Variants in PDE4D observed in about 807,000 individuals in gnomAD.
PDE4D encodes the protein 3',5'-cyclic-AMP phosphodiesterase 4D.
In PDE4D, 24 loss-of-function variants were observed where a neutral mutation model predicts 87.4. The observed-to-expected ratio is 0.27, with a 90% CI of 0.20 to 0.39. The LOEUF (loss-of-function observed/expected upper bound fraction) is 0.39, where lower values mean the gene tolerates loss of function less well. PDE4D is among the 10% of genes least tolerant of loss of function. The pLI is 1.00. For missense variants in PDE4D, 714 were observed against 1,041.0 expected, an observed-to-expected ratio of 0.69 and a Z score of 4.32; for synonymous variants, 384 against 383.2, an observed-to-expected ratio of 1.00 and a Z score of -0.02.
At chr5:59,435,764 T>A (rs1796723107) in intron 1 of PDE4D, among the ~76,000 whole-genome samples, 1 of 152,192 alleles carries the variant, frequency 6.6e-6, no homozygotes. Context: ...ACTGTCCAAG[T>A]CTTTCCTGAA....
rs751501307 is a variant in PDE4D at position 58,993,514 on chromosome 5, T to C, written c.922-49A>G. The C allele has an allele frequency of 6.1e-6, 7 of 1,149,344 alleles. No individual in the cohort carries two copies. In the African/African-American group the frequency reaches 1.1e-4, roughly 18 times the overall value. The allele number at this position is 1,149,344 out of a possible 1,614,324, so 71.2% of individuals were successfully genotyped here. A position where few individuals can be genotyped will look rare whatever the true frequency, so the allele number is the denominator to read the frequency against. ...AAATAATAGAAGAGGAAAATTTAAG[T>C]GAAATATATATGCATACTCTGAGAT... On this transcript the variant is annotated intron_variant, in intron 6 of 14. Coordinates refer to ENST00000340635, the MANE Select transcript of PDE4D (RefSeq NM_001104631.2).
chr5:59,753,187 C>G (rs937637019), intron 1 of PDE4D, among the ~76,000 whole-genome samples: 3 of 152,064 alleles, frequency 2.0e-5, no homozygotes, highest in African/African-American at 7.2e-5. Context: ...GTAGGACATC[C>G]TTAGTGGGAA....
chr5:60,365,770 G>A (rs536458307), intron 1 of PDE4D, among the ~76,000 whole-genome samples: 18 of 152,034 alleles, frequency 1.2e-4, no homozygotes, highest in East Asian at 5.8e-4. Flanking sequence ...TCGGCCAGGC[G>A]TGGTGGCTCA....
chr5:59,009,672 A>G (rs1752377622), intron 6 of PDE4D, among the ~76,000 whole-genome samples: 1 of 152,080 alleles, frequency 6.6e-6, no homozygotes, highest in South Asian at 2.1e-4. Context: ...TATTATAATT[A>G]CACATTACCT....
chr5:59,104,099 T>G (rs1205942378), intron 5 of PDE4D, among the ~76,000 whole-genome samples: 1 of 152,198 alleles, frequency 6.6e-6, no homozygotes, highest in Non-Finnish European at 1.5e-5. Context: ...TTTTCTGAAT[T>G]TTACTTTAGA....
intron 1 of PDE4D, among the ~76,000 whole-genome samples, chr5:60,463,898 TAC>T (rs1450752826): frequency 6.6e-6 from 1 of 152,234 alleles, no homozygotes; most frequent in Non-Finnish European, 1.5e-5. Flanking sequence ...AGAAATAAAA[TAC>T]ACACATACAG....
At chr5:59,244,637 T>C (rs1758410991) in intron 1 of PDE4D, among the ~76,000 whole-genome samples, 1 of 147,780 alleles carries the variant, frequency 6.8e-6, no homozygotes, top group Non-Finnish European at 1.5e-5. Flanking sequence ...CATTTACATA[T>C]ATACATATAT....
chr5:59,474,572 C>T (rs536864378), intron 1 of PDE4D, among the ~76,000 whole-genome samples: 127 of 152,198 alleles, frequency 8.3e-4, no homozygotes, highest in African/African-American at 2.9e-3. Flanking sequence ...TTCATTACAT[C>T]ATTTTTCCCT....
chr5:59,364,887 T>G (rs1176242389), intron 1 of PDE4D, among the ~76,000 whole-genome samples: 2 of 151,810 alleles, frequency 1.3e-5, no homozygotes, highest in South Asian at 2.1e-4. Flanking sequence ...CTTCCTTCCC[T>G]CCTTTCTTCC....
At chr5:59,962,603 T>C (rs905837411) in intron 3 of PDE4D, among the ~76,000 whole-genome samples, 3 of 152,180 alleles carry the variant, frequency 2.0e-5, no homozygotes, top group Non-Finnish European at 4.4e-5. Flanking sequence ...TAACTATTAA[T>C]AATTTTTTAA....
chr5:60,084,022 T>C (rs899833705), intron 2 of PDE4D, among the ~76,000 whole-genome samples: 1 of 152,254 alleles, frequency 6.6e-6, no homozygotes, highest in African/African-American at 2.4e-5. Flanking sequence ...CTCTGGCTGA[T>C]GTTATATTGT....
intron 1 of PDE4D, among the ~76,000 whole-genome samples, chr5:59,589,530 T>C (rs144901297): frequency 5.5e-4 from 84 of 152,334 alleles, no homozygotes; most frequent in African/African-American, 1.9e-3. Flanking sequence ...TAGGTCTCCA[T>C]AGAAAGTAGC....
intron 2 of PDE4D, among the ~76,000 whole-genome samples, chr5:60,001,410 T>G (rs1029792471): frequency 1.3e-5 from 2 of 152,176 alleles, no homozygotes; most frequent in Non-Finnish European, 2.9e-5. Context: ...AAGTTAGCCT[T>G]CAGAAATGGA....
chr5:60,402,685 A>C (rs948137263), intron 1 of PDE4D, among the ~76,000 whole-genome samples: 5 of 152,258 alleles, frequency 3.3e-5, no homozygotes, highest in African/African-American at 1.2e-4. Flanking sequence ...CGTTTGGAGC[A>C]GTCAACTGGC....
At chr5:59,688,206 G>C (rs540654580) in intron 1 of PDE4D, among the ~76,000 whole-genome samples, 2 of 152,256 alleles carry the variant, frequency 1.3e-5, no homozygotes, top group Non-Finnish European at 2.9e-5. Flanking sequence ...ACTCAGCTCT[G>C]CACCAAGTGG....
At chr5:59,472,742 A>C (rs1802641640) in intron 1 of PDE4D, among the ~76,000 whole-genome samples, 1 of 152,262 alleles carries the variant, frequency 6.6e-6, no homozygotes, top group East Asian at 1.9e-4. Flanking sequence ...ATTATGCTGG[A>C]GACAGCTGGC....
intron 1 of PDE4D, among the ~76,000 whole-genome samples, chr5:59,492,964 T>C (rs1489120584): frequency 1.3e-5 from 2 of 152,172 alleles, no homozygotes; most frequent in Non-Finnish European, 2.9e-5. Context: ...TCCCCAGCCA[T>C]GTGGAACTGA....
At chr5:59,566,293 C>A (rs1263765599) in intron 1 of PDE4D, among the ~76,000 whole-genome samples, 1 of 152,070 alleles carries the variant, frequency 6.6e-6, no homozygotes, top group Non-Finnish European at 1.5e-5. Flanking sequence ...CACCTCTGTG[C>A]CTGCCTCCAC....
chr5:59,837,447 T>C (rs1054440289), intron 1 of PDE4D, among the ~76,000 whole-genome samples: 4 of 152,112 alleles, frequency 2.6e-5, no homozygotes, highest in African/African-American at 9.6e-5. Context: ...AGGTGTTCAG[T>C]CTGTCATCTA....
Sources: gnomAD v4.1 joint callset for allele counts (sites outside exome capture counted in the v4.1 genomes callset) on GRCh38, gnomAD v4.1.1 for gene constraint, MANE v1.5 for transcripts, NCBI Gene and HGNC (gene_info 2026-07-23, HGNC 2026-07-21) for gene names.